The following SPAG7 variants were observed in gnomAD, a reference collection of about 807,000 sequenced individuals.
SPAG7 encodes sperm associated antigen 7.
In SPAG7, 20 loss-of-function variants were observed where a neutral mutation model predicts 30.6. That is an observed-to-expected ratio of 0.65 (90% confidence interval 0.46 to 0.95). SPAG7 has a LOEUF of 0.95. Ranked by LOEUF, SPAG7 falls within the 40% of genes least tolerant of loss-of-function variation. SPAG7 has a pLI of 0.00. For synonymous variants in SPAG7, 127 were observed against 104.2 expected, an observed-to-expected ratio of 1.22 and a Z score of -1.33; for missense variants, 276 against 291.1, an observed-to-expected ratio of 0.95 and a Z score of 0.38.
chr17:4,960,331 G>A lies in SPAG7; in HGVS notation c.243-13C>T, dbSNP rs138742777. 0.015 allele frequency: 24,812 copies of A among 1,613,510 alleles called. 238 individuals carry two copies. Among genetic ancestry groups the A allele is most frequent in the Non-Finnish European group, 0.018 (21,320 of 1,179,382 alleles). On this transcript the variant is annotated splice_polypyrimidine_tract_variant and intron_variant, in intron 3 of 6. Coordinates refer to ENST00000206020, the MANE Select transcript of SPAG7 (RefSeq NM_004890.3). ...CACCACATCATGTCTGGGATGGGAT[G>A]GCAGAGGGGAAAGAGCATCTTGAGC...
chr17:4,964,862 A>AG (rs1465359569), intron 1 of SPAG7, among the ~76,000 whole-genome samples: 1 of 151,588 alleles, frequency 6.6e-6, no homozygotes, highest in Non-Finnish European at 1.5e-5. Context: ...CAGCCTCCCG[A>AG]GTAGCTGGGA....
intron 1 of SPAG7, among the ~76,000 whole-genome samples, chr17:4,963,498 G>A (rs1190640556): frequency 3.2e-5 from 4 of 124,676 alleles, no homozygotes; most frequent in Admixed American, 1.0e-4. Context: ...TCGCTTTGTC[G>A]CCCAGGCTGG....
At position 4,960,846 on chromosome 17, in the gene SPAG7, G is replaced by A. The variant is rs775610152; in HGVS notation, c.93C>T (p.Ala31=). 23 of 1,613,866 alleles carry A rather than the reference G, an allele frequency of 1.4e-5. No homozygotes were observed. The highest frequency in any genetic ancestry group is 1.0e-4 in the Admixed American group (6 of 59,992). Residue 31 remains alanine, a synonymous_variant, in exon 2 of 7, where the codon GCC becomes GCT. Transcript: ENST00000206020. ...GCTCTTGTAGTTTCTTCAGGCGGGC[G>A]GCCTGTTCTGGGGGTGAGAAATGGC... ...QETRRKAREQ[A]ARLKKLQEQE...
Position 4,960,501 on chromosome 17 carries a change from T to C in SPAG7, c.200A>G (p.Lys67Arg). 1 of 1,602,310 alleles carries C rather than the reference T, an allele frequency of 6.2e-7. No individual in the cohort carries two copies. The highest frequency in any genetic ancestry group is 2.2e-5 in the East Asian group (1 of 44,860). ...SDFIQDSGQI[K>R]KKFQPMNKIE... ...CTTGTTCATTGGCTGAAACTTTTTC[T>C]TGATCTGCCCACTGTCTTGAATGAA... is the stretch of plus-strand genomic sequence containing the variant. The change falls in exon 3 of 7, where the codon AAG (lysine) becomes AGG (arginine). Residue 67 changes from lysine (K) to arginine (R), a missense_variant. Coordinates refer to ENST00000206020, the MANE Select transcript of SPAG7 (RefSeq NM_004890.3).
chr17:4,966,534 T>C, intron 1 of SPAG7: 3 of 956,776 alleles, frequency 3.1e-6, no homozygotes, highest in Non-Finnish European at 3.7e-6. Flanking sequence ...TGCTTCCTCC[T>C]TTCTCAGAGA....
At chr17:4,959,672 C>A (rs1223849361) in intron 6 of SPAG7, 29 bp from the exon 7 acceptor site, 4 of 1,613,356 alleles carry the variant, frequency 2.5e-6, no homozygotes, top group Non-Finnish European at 3.4e-6. Flanking sequence ...GTAGGGCGGG[C>A]CTAGAAATCC....
At position 4,959,721 on chromosome 17, in the gene SPAG7, C is replaced by T. The variant is rs201414516; in HGVS notation, c.574+39G>A. Reference sequence around the variant, plus strand: ...CACTGCCCTCCTGCCGCATCCTATGCTCCTCTCCCAGCCACCCCCAGCCGC... The same window carrying T: ...CACTGCCCTCCTGCCGCATCCTATGTTCCTCTCCCAGCCACCCCCAGCCGC... On this transcript the variant is annotated intron_variant, in intron 6 of 6. Coordinates refer to ENST00000206020, the MANE Select transcript of SPAG7 (RefSeq NM_004890.3). 169 of 1,614,108 alleles carry T rather than the reference C, an allele frequency of 1.0e-4. No homozygotes were observed. In the African/African-American group the frequency reaches 2.0e-3, roughly 19 times the overall value.
chr17:4,960,293 G>A lies in SPAG7; in HGVS notation c.268C>T (p.Leu90=), dbSNP rs771356423. 4.2e-5 allele frequency: 68 copies of A among 1,614,088 alleles called. No individual in the cohort carries two copies. The highest frequency in any genetic ancestry group is 5.5e-5 in the Non-Finnish European group (65 of 1,180,040). The stretch of plus-strand genomic sequence containing the variant: ...TCTTCCCCAAAGGAGAAGGATGTCA[G>A]GCCAGCCACTTCCACCACATCATGT... ...ILHDVVEVAG[L]TSFSFGEDDD... is the part of the protein sequence containing the mutation. Residue 90 remains leucine, a synonymous_variant, in exon 4 of 7, where the codon CTG becomes TTG. Transcript: ENST00000206020.
At chr17:4,963,451 A>ATTTTTTTTTTTTTTTTTTTTT (rs35484038) in intron 1 of SPAG7, among the ~76,000 whole-genome samples, 2 of 103,200 alleles carry the variant, frequency 1.9e-5, no homozygotes, top group Non-Finnish European at 1.8e-5. Flanking sequence ...GGAAAGGGGA[A>ATTTTTTTTTTTTTTTTTTTTT]TTTTTTTTTT....
chr17:4,966,595 C>T (rs1971957004), intron 1 of SPAG7: 1 of 985,356 alleles, frequency 1.0e-6, no homozygotes, highest in Non-Finnish European at 1.2e-6. Context: ...CTCTCATTTA[C>T]GGAATTACCT....
chr17:4,965,754 A>T (rs1422747887), intron 1 of SPAG7: 2 of 151,472 alleles, frequency 1.3e-5, no homozygotes, highest in African/African-American at 4.9e-5. Flanking sequence ...AACCTCCCAG[A>T]CTCAAGCGAT....
Position 4,967,598 on chromosome 17 carries a change from G to C in SPAG7, c.85+122C>G. On this transcript the variant is annotated intron_variant, in intron 1 of 6. Transcript: ENST00000206020. ...TCAGCAGCCCTTTTAGGGACTCTGA[G>C]GGTCTCGGAAGGGGCCTGTGAGGGG... 7.9e-6 allele frequency: 6 copies of C among 755,970 alleles called. No individual in the cohort carries two copies. The South Asian group carries it at 9.5e-5, about 12-fold the overall frequency. 46.8% of individuals were successfully genotyped at this position (755,970 alleles called of 1,614,324 possible). A position where few individuals can be genotyped will look rare whatever the true frequency, so the allele number is the denominator to read the frequency against.
rs758616346 is a variant in SPAG7, at chr17:4,959,909, G to A, written c.425C>T (p.Ala142Val). Reference sequence around the variant, plus strand: ...GGCTGCCTCCTCCTCTTGCCTCTGGGCCAGCTCCTAGGGGTGAAAGTGGGG... The same window carrying A: ...GGCTGCCTCCTCCTCTTGCCTCTGGACCAGCTCCTAGGGGTGAAAGTGGGG... Reference protein sequence around the residue: ...AEEKRKLKELAQRQEEEAAQQ... With the variant: ...AEEKRKLKELVQRQEEEAAQQ... Residue 142 changes from alanine (A) to valine (V), a missense_variant, in exon 6 of 7, where the codon GCC (alanine) becomes GTC (valine). Transcript: ENST00000206020. 5.6e-6 allele frequency: 9 copies of A among 1,613,146 alleles called. No individual in the cohort carries two copies. The highest frequency in any genetic ancestry group is 1.7e-4 in the Middle Eastern group (1 of 6,054).
intron 1 of SPAG7, among the ~76,000 whole-genome samples, chr17:4,962,553 G>T (rs529001332): frequency 6.6e-6 from 1 of 152,164 alleles, no homozygotes; most frequent in Non-Finnish European, 1.5e-5. Flanking sequence ...GACCACAGGC[G>T]TGTGCCACCA....
rs1971995634 is a variant in SPAG7 at position 4,967,781 on chromosome 17, G to GATGGAGCCCAGT, written c.12_23dup (p.Gly6_Leu9dup). The stretch of plus-strand genomic sequence containing the variant: ...TGGGTGGCTTCTCCATGGAGCTCAG[G>GATGGAGCCCAGT]ATGGAGCCCAGTAGGTCCGCCATCT... On this transcript the variant is annotated inframe_insertion, in exon 1 of 7. Transcript: ENST00000206020. The GATGGAGCCCAGT allele has an allele frequency of 6.2e-7, 1 of 1,613,888 alleles. No individual in the cohort carries two copies.
chr17:4,959,481 C>T lies in SPAG7; in HGVS notation c.*53G>A. ...TGGGCTCTAATAGCAGCAGCCTTGT[C>T]TCTCCCTGCCCCCTGCCCTGCCCCA... On this transcript the variant is annotated 3_prime_UTR_variant, in exon 7 of 7. Coordinates refer to ENST00000206020, the MANE Select transcript of SPAG7 (RefSeq NM_004890.3). 6.9e-7 allele frequency: 1 copy of T among 1,454,288 alleles called. No homozygotes were observed. The highest frequency in any genetic ancestry group is 9.6e-7 in the Non-Finnish European group (1 of 1,044,818). 90.1% of individuals were successfully genotyped at this position (1,454,288 alleles called of 1,614,324 possible).
intron 3 of SPAG7, 45 bp downstream of exon 3, chr17:4,960,414 C>G (rs200976476): frequency 1.6e-5 from 26 of 1,597,252 alleles, no homozygotes; most frequent in Middle Eastern, 1.7e-4. Context: ...TTTCATGCCC[C>G]GCTAGCCACC....
rs73343382 is a variant in SPAG7, at chr17:4,960,245, T to C, written c.316A>G (p.Ile106Val). ...TTCAGGCCCTTTACCTTTTTGAAGA[T>C]CATGACATAGCGACAGTCATCATCT... ...GEDDDCRYVM[I>V]FKKEFAPSDE... Residue 106 changes from isoleucine (I) to valine (V), a missense_variant, in exon 4 of 7, where the codon ATC (isoleucine) becomes GTC (valine). By Grantham distance (29) the Ile-to-Val change is conservative. Coordinates refer to ENST00000206020, the MANE Select transcript of SPAG7 (RefSeq NM_004890.3). The C allele has an allele frequency of 5.9e-3, 9,568 of 1,614,038 alleles. 465 individuals are homozygous for C. The African/African-American group carries it at 0.11, about 18-fold the overall frequency.
chr17:4,959,710 C>T (rs778021077), intron 6 of SPAG7, 50 bp downstream of exon 6: 12 of 1,613,934 alleles, frequency 7.4e-6, no homozygotes, highest in African/African-American at 1.3e-5. Context: ...GCCCTCCTGC[C>T]GCATCCTATG....
Sources: gnomAD v4.1 joint callset for allele counts (sites outside exome capture counted in the v4.1 genomes callset) on GRCh38, gnomAD v4.1.1 for gene constraint, MANE v1.5 for transcripts, NCBI Gene and HGNC (gene_info 2026-07-23, HGNC 2026-07-21) for gene names.